Variants in CCDC171 observed in about 807,000 individuals in gnomAD.
CCDC171 encodes coiled-coil domain containing 171.
A neutral mutation model predicts 168.2 loss-of-function variants in CCDC171; 177 were observed. That is an observed-to-expected ratio of 1.05 (90% CI 0.93 to 1.19). The LOEUF is 1.19. CCDC171 is among the 50% of genes most tolerant of loss of function. The pLI is 0.00. For missense variants in CCDC171, 1,991 were observed against 1,539.0 expected (o/e 1.29, Z -4.91); for synonymous variants, 687 against 540.8 (o/e 1.27, Z -3.75).
At chr9:15,727,360 T>C (rs1352598513) in intron 14 of CCDC171, among the ~76,000 whole-genome samples, 1 of 152,192 alleles carries the variant, frequency 6.6e-6, no homozygotes, top group Non-Finnish European at 1.5e-5. Context: ...AGCTGAGTAA[T>C]TGTGTCCATG....
intron 1 of CCDC171, among the ~76,000 whole-genome samples, chr9:15,556,105 C>G (rs1022941508): frequency 2.6e-5 from 4 of 152,036 alleles, no homozygotes; most frequent in African/African-American, 9.7e-5. Flanking sequence ...TGGGTTGGTT[C>G]CAAGTGTTTG....
At chr9:15,821,157 C>T (rs1046784919) in intron 21 of CCDC171, among the ~76,000 whole-genome samples, 1 of 117,220 alleles carries the variant, frequency 8.5e-6, no homozygotes, top group Non-Finnish European at 1.9e-5. Flanking sequence ...TAAAAACTCC[C>T]AATAAATTAG....
chr9:15,938,945 T>A (rs1373411803), intron 25 of CCDC171, among the ~76,000 whole-genome samples: 1 of 151,840 alleles, frequency 6.6e-6, no homozygotes, highest in Non-Finnish European at 1.5e-5. Context: ...TTTTTCATGA[T>A]AAAATGATTG....
chr9:15,846,620 C>T (rs1329904844), intron 21 of CCDC171, 82 bp from the exon 22 acceptor site: 3 of 1,432,184 alleles, frequency 2.1e-6, no homozygotes, highest in South Asian at 1.3e-5. Flanking sequence ...AGTCTGTATT[C>T]TTCTTTGTTT....
At chr9:15,577,250 A>C (rs2040744327) in intron 3 of CCDC171, among the ~76,000 whole-genome samples, 1 of 152,178 alleles carries the variant, frequency 6.6e-6, no homozygotes, top group Non-Finnish European at 1.5e-5. Context: ...CGTTTTTCTG[A>C]CTGTCTTGAA....
intron 9 of CCDC171, among the ~76,000 whole-genome samples, chr9:15,666,774 A>G (rs2048766961): frequency 6.6e-6 from 1 of 152,158 alleles, no homozygotes. Flanking sequence ...GAAGTGAGCT[A>G]TGATCTAAGG....
intron 7 of CCDC171, among the ~76,000 whole-genome samples, chr9:15,646,448 C>T (rs2047044302): frequency 6.6e-6 from 1 of 152,176 alleles, no homozygotes; most frequent in Non-Finnish European, 1.5e-5. Flanking sequence ...TTAAAAGACA[C>T]AGACTGGCAA....
At chr9:15,906,672 G>T (rs1010719290) in intron 24 of CCDC171, among the ~76,000 whole-genome samples, 39 of 152,110 alleles carry the variant, frequency 2.6e-4, no homozygotes, top group African/African-American at 9.2e-4. Context: ...GTTCTGGCCA[G>T]GGCAATCAGG....
chr9:15,643,790 A>G (rs1434510535), intron 7 of CCDC171, among the ~76,000 whole-genome samples: 1 of 152,102 alleles, frequency 6.6e-6, no homozygotes. Flanking sequence ...GGATTTGCCT[A>G]TTCTGGACAA....
intron 11 of CCDC171, among the ~76,000 whole-genome samples, chr9:15,712,469 T>G (rs2052741814): frequency 6.6e-6 from 1 of 152,230 alleles, no homozygotes; most frequent in South Asian, 2.1e-4. Flanking sequence ...GGAAACAATC[T>G]TATTTCCACA....
chr9:15,803,995 A>G (rs143880715), intron 21 of CCDC171, among the ~76,000 whole-genome samples: 201 of 152,066 alleles, frequency 1.3e-3, no homozygotes, highest in Non-Finnish European at 2.2e-3. Flanking sequence ...TTTTGTGGCA[A>G]TTGTGAATGG....
At chr9:15,975,171 C>T (rs917040276), downstream of CCDC171, among the ~76,000 whole-genome samples, 1 of 152,134 alleles carries the variant, frequency 6.6e-6, no homozygotes, top group Non-Finnish European at 1.5e-5. Flanking sequence ...AACTAATGAT[C>T]TCACAACAAA....
the CCDC171 span, among the ~76,000 whole-genome samples, chr9:16,106,976 T>G: frequency 6.6e-6 from 1 of 152,118 alleles, no homozygotes; most frequent in Non-Finnish European, 1.5e-5. Context: ...CTCCCCTAGC[T>G]CTCGCAGCAC....
chr9:15,631,799 G>C (rs2045730446), intron 7 of CCDC171, among the ~76,000 whole-genome samples: 1 of 152,310 alleles, frequency 6.6e-6, no homozygotes, highest in African/African-American at 2.4e-5. Flanking sequence ...GAATCCAGCA[G>C]CACATCAAAA....
the CCDC171 span, among the ~76,000 whole-genome samples, chr9:16,089,904 T>C: frequency 0.015 from 2,294 of 152,156 alleles, 53 homozygotes; most frequent in African/African-American, 0.052. Context: ...TGGAGATCAT[T>C]AAAAGTCAGG....
intron 6 of CCDC171, among the ~76,000 whole-genome samples, chr9:15,620,511 T>G (rs2044419314): frequency 6.6e-6 from 1 of 152,218 alleles, no homozygotes; most frequent in South Asian, 2.1e-4. Context: ...TGCTGCAATC[T>G]CATGCATTCA....
chr9:16,014,904 T>C (rs535746410), intron 3 of CCDC171, among the ~76,000 whole-genome samples: 13 of 152,098 alleles, frequency 8.5e-5, no homozygotes, highest in Non-Finnish European at 1.8e-4. Flanking sequence ...TTCAGAATGG[T>C]AAATGAGTAT....
intron 21 of CCDC171, among the ~76,000 whole-genome samples, chr9:15,798,828 C>G (rs941872943): frequency 2.0e-5 from 3 of 152,014 alleles, no homozygotes; most frequent in Admixed American, 6.6e-5. Context: ...TATAAAGTCT[C>G]TGCTATTGGC....
intron 25 of CCDC171, among the ~76,000 whole-genome samples, chr9:15,936,598 T>A (rs1827147474): frequency 6.6e-6 from 1 of 152,000 alleles, no homozygotes; most frequent in Non-Finnish European, 1.5e-5. Context: ...TCAACAGTTG[T>A]ATGTTGCTTG....
Sources: gnomAD v4.1 joint callset for allele counts (sites outside exome capture counted in the v4.1 genomes callset) on GRCh38, gnomAD v4.1.1 for gene constraint, MANE v1.5 for transcripts, NCBI Gene and HGNC (gene_info 2026-07-23, HGNC 2026-07-21) for gene names.